GMNC: variants seen among roughly 807,000 people sequenced by gnomAD.
GMNC encodes geminin coiled-coil domain-containing protein 1.
In GMNC, 16 loss-of-function variants were observed where a neutral mutation model predicts 33.6. The observed-to-expected ratio is 0.48, with a 90% CI of 0.32 to 0.72. GMNC has a LOEUF of 0.72. Among genes scored for constraint, GMNC ranks in the 30% least tolerant of loss-of-function variants. GMNC has a pLI of 0.03. For missense variants in GMNC, 393 were observed against 388.9 expected, an observed-to-expected ratio of 1.01 and a Z score of -0.09; for synonymous variants, 156 against 147.3, an observed-to-expected ratio of 1.06 and a Z score of -0.43.
At position 190,853,407 on chromosome 3, in the gene GMNC, T is replaced by G. The variant is rs1394268545; in HGVS notation, c.*1888A>C. 2.0e-5 allele frequency: 3 copies of G among 152,148 alleles called. No homozygotes were observed. In the South Asian group the frequency reaches 6.2e-4, roughly 32 times the overall value. The allele number at this position is 152,148 out of a possible 1,614,324, so 9.4% of individuals were successfully genotyped here. On this transcript the variant is annotated 3_prime_UTR_variant, in exon 5 of 5. Transcript: ENST00000442080. ...AGGCACAGTTATTTATTTTATTTTATTTTTTAGAAAATGGAATGTGTTCTA... is the reference window on the plus strand; with the variant it reads ...AGGCACAGTTATTTATTTTATTTTAGTTTTTAGAAAATGGAATGTGTTCTA...
At chr3:190,859,876 A>C (rs765452766) in intron 2 of GMNC, 11 of 442,020 alleles carry the variant, frequency 2.5e-5, no homozygotes, top group Non-Finnish European at 5.0e-5. Flanking sequence ...ATAAAATGGC[A>C]TAAGTAGTTT....
chr3:190,847,783 AG>A (rs930217094), downstream of GMNC, among the ~76,000 whole-genome samples: 28 of 152,222 alleles, frequency 1.8e-4, no homozygotes, highest in African/African-American at 6.7e-4. Context: ...AAGGGTTAGG[AG>A]GGTTAGGATA....
the GMNC span, among the ~76,000 whole-genome samples, chr3:190,846,409 A>G: frequency 6.6e-6 from 1 of 152,290 alleles, no homozygotes; most frequent in African/African-American, 2.4e-5. Context: ...ATGAAAAAGT[A>G]ATTATAAACT....
chr3:190,844,504 T>C, the GMNC span, among the ~76,000 whole-genome samples: 1,167 of 146,380 alleles, frequency 8.0e-3, 6 homozygotes, highest in Non-Finnish European at 0.013. Context: ...TTTATATGCA[T>C]ATTTCAGAAT....
At chr3:190,843,997 A>G in the GMNC span, among the ~76,000 whole-genome samples, 1 of 152,234 alleles carries the variant, frequency 6.6e-6, no homozygotes, top group Non-Finnish European at 1.5e-5. Flanking sequence ...AAGGATTTGA[A>G]TAAATAAGAA....
Position 190,857,697 on chromosome 3 carries a change from G to T in GMNC, c.384+86C>A, listed in dbSNP as rs1365588120. The stretch of plus-strand genomic sequence containing the variant: ...TTATAAATGCATATCAAGATACACT[G>T]TTTAATCAAGGAGTTTTACATAAAT... On this transcript the variant is annotated intron_variant, in intron 4 of 4. Coordinates refer to ENST00000442080, the MANE Select transcript of GMNC (RefSeq NM_001146686.3). 2.2e-5 allele frequency: 16 copies of T among 717,514 alleles called. No individual in the cohort carries two copies. The East Asian group carries it at 3.8e-4, about 17-fold the overall frequency. 44.4% of individuals were successfully genotyped at this position (717,514 alleles called of 1,614,324 possible). A position where few individuals can be genotyped will look rare whatever the true frequency, so the allele number is the denominator to read the frequency against.
rs968543993 is a variant in GMNC, at chr3:190,861,973, A to G, written c.3+640T>C. Reference sequence around the variant, plus strand: ...ACAAATAAGAAGAAAAAAGAGAAAAAAAAGTTAAGTCAATTCAATCGCACT... The same window carrying G: ...ACAAATAAGAAGAAAAAAGAGAAAAGAAAGTTAAGTCAATTCAATCGCACT... On this transcript the variant is annotated intron_variant, in intron 1 of 4. Coordinates refer to ENST00000442080, the MANE Select transcript of GMNC (RefSeq NM_001146686.3). The surrounding 1 kb of genome is among the most constrained non-coding windows in gnomAD (Gnocchi z 5.1). Among the ~76,000 whole-genome samples the G allele has an allele frequency of 1.3e-5, 2 of 152,182 alleles. No individual in the cohort carries two copies. The highest frequency in any genetic ancestry group is 2.9e-5 in the Non-Finnish European group (2 of 68,028).
At chr3:190,848,147 AAC>A (rs1306569173), downstream of GMNC, among the ~76,000 whole-genome samples, 1 of 152,218 alleles carries the variant, frequency 6.6e-6, no homozygotes, top group Non-Finnish European at 1.5e-5. Context: ...GGTTACAAAT[AAC>A]ATATCTAAGC....
At chr3:190,852,545 G>T (rs760007515), downstream of GMNC, among the ~76,000 whole-genome samples, 8 of 152,046 alleles carry the variant, frequency 5.3e-5, no homozygotes, top group Non-Finnish European at 1.2e-4. Context: ...TTTATGTGTG[G>T]CTAGTTAAGA....
At chr3:190,848,577 A>G (rs967423437), downstream of GMNC, among the ~76,000 whole-genome samples, 1 of 152,222 alleles carries the variant, frequency 6.6e-6, no homozygotes, top group South Asian at 2.1e-4. Flanking sequence ...ATCAGTAAAA[A>G]TATCTCTAAC....
In GMNC at chr3:190,861,315, T is replaced by C. The variant is rs1737860039; in HGVS notation, c.4-457A>G. On this transcript the variant is annotated intron_variant, in intron 1 of 4. Transcript: ENST00000442080. This position sits in a 1 kb window ranked among gnomAD's most constrained non-coding sequence, Gnocchi z 5.1. The stretch of plus-strand genomic sequence containing the variant: ...CGCAGAATGCTAAAGCTGAAATGGA[T>C]GTGACATAATATAGACTAACGTCTT... 6.6e-6 allele frequency among the ~76,000 whole-genome samples: 1 copy of C among 152,228 alleles called. No individual in the cohort carries two copies. The highest frequency in any genetic ancestry group is 2.4e-5 in the African/African-American group (1 of 41,464).
At chr3:190,852,688 C>T (rs543740736), downstream of GMNC, among the ~76,000 whole-genome samples, 96 of 152,102 alleles carry the variant, frequency 6.3e-4, no homozygotes, top group African/African-American at 2.2e-3. Context: ...AGACATCATA[C>T]AAAGAAGAGC....
At chr3:190,857,511 C>T (rs1282351216) in intron 4 of GMNC, among the ~76,000 whole-genome samples, 4 of 152,222 alleles carry the variant, frequency 2.6e-5, no homozygotes, top group South Asian at 4.1e-4. Flanking sequence ...TTTTGATTAA[C>T]ACTGATTGTC....
At chr3:190,852,334 G>T (rs1387232327), downstream of GMNC, among the ~76,000 whole-genome samples, 1 of 151,914 alleles carries the variant, frequency 6.6e-6, no homozygotes, top group Non-Finnish European at 1.5e-5. Context: ...AATTCATATT[G>T]CTCCTTTTCC....
At position 190,861,480 on chromosome 3, in the gene GMNC, ATCTATC is replaced by A. The variant is rs934753399; in HGVS notation, c.4-628_4-623del. On this transcript the variant is annotated intron_variant, in intron 1 of 4. Transcript: ENST00000442080. This position sits in a 1 kb window ranked among gnomAD's most constrained non-coding sequence, Gnocchi z 5.1. Reference sequence around the variant, plus strand: ...CATCTATCTATCTATCTATCTATCTATCTATCTATCTATCTATCTATCTATCTATCT... The same window carrying A: ...CATCTATCTATCTATCTATCTATCTATATCTATCTATCTATCTATCTATCT... 1.8e-4 allele frequency among the ~76,000 whole-genome samples: 27 copies of A among 151,670 alleles called. No homozygotes were observed. The highest frequency in any genetic ancestry group is 6.8e-3 in the Middle Eastern group (2 of 294).
chr3:190,856,088 T>A (rs989118231), intron 4 of GMNC, among the ~76,000 whole-genome samples, 173 bp from the exon 5 acceptor site: 1 of 151,694 alleles, frequency 6.6e-6, no homozygotes, highest in African/African-American at 2.4e-5. Flanking sequence ...CTAAATCACA[T>A]TTTTTACTCA....
chr3:190,856,251 A>C (rs1168104543), intron 4 of GMNC, among the ~76,000 whole-genome samples: 2 of 141,896 alleles, frequency 1.4e-5, no homozygotes, highest in East Asian at 4.0e-4. Context: ...ATATTTATTT[A>C]TAAATATTTA....
chr3:190,858,185 T>C (rs1737788423), intron 3 of GMNC: 1 of 331,284 alleles, frequency 3.0e-6, no homozygotes, highest in African/African-American at 2.1e-5. Context: ...TGAAGGAAAA[T>C]GAGCTGCATG....
intron 2 of GMNC, chr3:190,859,887 G>C (rs1737825374): frequency 4.6e-6 from 2 of 434,720 alleles, no homozygotes; most frequent in Admixed American, 2.6e-5. Flanking sequence ...TAAGTAGTTT[G>C]GGTTCACATT....
Sources: gnomAD v4.1 joint callset for allele counts (sites outside exome capture counted in the v4.1 genomes callset) on GRCh38, gnomAD v4.1.1 for gene constraint, Gnocchi (gnomAD v3.1) non-coding constraint, MANE v1.5 for transcripts, NCBI Gene and HGNC (gene_info 2026-07-23, HGNC 2026-07-21) for gene names.